The following SLURP2 variants were observed in gnomAD, a reference collection of about 807,000 sequenced individuals.
The protein encoded by SLURP2 is secreted Ly-6/uPAR domain-containing protein 2.
A neutral mutation model predicts 9.8 loss-of-function variants in SLURP2; 4 were observed. The observed-to-expected ratio is 0.41, with a 90% CI of 0.20 to 0.94. The LOEUF is 0.94. Ranked by LOEUF, SLURP2 falls within the 40% of genes least tolerant of loss-of-function variation. The pLI is 0.32. For missense variants in SLURP2, 118 were observed against 126.4 expected (o/e 0.93, Z 0.32); for synonymous variants, 58 against 56.2 (o/e 1.03, Z -0.15).
chr8:142,769,809 TCTC>T lies in SLURP2; in HGVS notation c.-6_-4del. 6.3e-7 allele frequency: 1 copy of T among 1,594,398 alleles called. No individual in the cohort carries two copies. Among genetic ancestry groups the T allele is most frequent in the South Asian group, 1.1e-5 (1 of 87,792 alleles). ...AGGAGCCCAGTGCCGAGCTGCATGT[TCTC>T]CTGGTGAGGTCGGGCTGTCGGCGCC... On this transcript the variant is annotated 5_prime_UTR_variant, in exon 1 of 3. Transcript: ENST00000317543.
Position 142,768,021 on chromosome 8 carries a change from C to T in SLURP2, c.52+1734G>A. Among the ~76,000 whole-genome samples the T allele has an allele frequency of 6.6e-6, 1 of 151,756 alleles. No individual in the cohort carries two copies. Among genetic ancestry groups the T allele is most frequent in the Non-Finnish European group, 1.5e-5 (1 of 67,986 alleles). ...GGTTTTTGATTTTCAGCAATGAGAT[C>T]CTGAGGGAAGCAGATAAAATGTTAG... On this transcript the variant is annotated intron_variant, in intron 1 of 2. Transcript: ENST00000317543. This position sits in a 1 kb window ranked among gnomAD's most constrained non-coding sequence, Gnocchi z 4.8.
At position 142,767,900 on chromosome 8, in the gene SLURP2, A is replaced by AAATGAATGAATG. The variant is rs60268524; in HGVS notation, c.52+1843_52+1854dup. Among the ~76,000 whole-genome samples the AAATGAATGAATG allele has an allele frequency of 6.3e-3, 891 of 140,740 alleles. 8 individuals carry two copies. The highest frequency in any genetic ancestry group is 0.018 in the Middle Eastern group (5 of 272). 92.3% of individuals were successfully genotyped at this position (140,740 alleles called of 152,430 possible). ...GGAGAGGCTTGCAGAATGAATGAAT[A>AAATGAATGAATG]AATGAATGAATGAATGAATGAATGA... On this transcript the variant is annotated intron_variant, in intron 1 of 2. Coordinates refer to ENST00000317543, the MANE Select transcript of SLURP2 (RefSeq NM_177458.3).
intron 2 of SLURP2, 78 bp downstream of exon 2, chr8:142,764,958 G>T (rs1814952136): frequency 7.6e-6 from 10 of 1,313,704 alleles, no homozygotes; most frequent in Middle Eastern, 1.8e-4. Flanking sequence ...GCCTGGATCT[G>T]GCTCTGTCAC....
Position 142,765,084 on chromosome 8 carries a change from C to T in SLURP2, c.109G>A (p.Gly37Arg). 2 of 1,612,922 alleles carry T rather than the reference C, an allele frequency of 1.2e-6. No homozygotes were observed. The highest frequency in any genetic ancestry group is 1.7e-6 in the Non-Finnish European group (2 of 1,179,874). The change falls in exon 2 of 3, where the codon GGA becomes AGA. Residue 37 changes from glycine to arginine, a missense_variant. Coordinates refer to ENST00000317543, the MANE Select transcript of SLURP2 (RefSeq NM_177458.3). Reference sequence around the variant, plus strand: ...GTGGAGTCCCTCAGGCATCTGGATCCATGGGAGCACCCTCCGAAGCCCGTG... The same window carrying T: ...GTGGAGTCCCTCAGGCATCTGGATCTATGGGAGCACCCTCCGAAGCCCGTG... ...QCTGFGGCSH[G>R]SRCLRDSTHC... is the part of the protein sequence containing the mutation.
At chr8:142,764,846 T>A in intron 2 of SLURP2, 105 bp from the exon 3 acceptor site, 1 of 1,423,540 alleles carries the variant, frequency 7.0e-7, no homozygotes, top group Non-Finnish European at 9.8e-7. Flanking sequence ...CCCAGGTACA[T>A]GAAGCATACG....
At chr8:142,765,265 G>C in intron 1 of SLURP2, 125 bp from the exon 2 acceptor site, 1 of 730,720 alleles carries the variant, frequency 1.4e-6, no homozygotes, top group East Asian at 2.8e-5. Context: ...CCAGTGTCCC[G>C]ACCCTGTGAT....
At chr8:142,766,016 GA>G (rs1814995593) in intron 1 of SLURP2, 1 of 151,916 alleles carries the variant, frequency 6.6e-6, no homozygotes, top group South Asian at 2.1e-4. Flanking sequence ...TGTGTAAACA[GA>G]AACTCAGTTG....
Position 142,769,823 on chromosome 8 carries a change from C to A in SLURP2, c.-17G>T. 1.9e-6 allele frequency: 3 copies of A among 1,582,044 alleles called. No homozygotes were observed. The highest frequency in any genetic ancestry group is 2.6e-6 in the Non-Finnish European group (3 of 1,166,578). ...GAGCTGCATGTTCTCCTGGTGAGGTCGGGCTGTCGGCGCCCTGGCCGGCTG... is the reference window on the plus strand; with the variant it reads ...GAGCTGCATGTTCTCCTGGTGAGGTAGGGCTGTCGGCGCCCTGGCCGGCTG... On this transcript the variant is annotated 5_prime_UTR_variant, in exon 1 of 3. Transcript: ENST00000317543.
At position 142,764,588 on chromosome 8, in the gene SLURP2, C is replaced by T. The variant is rs370796595; in HGVS notation, c.*17G>A. The T allele has an allele frequency of 4.7e-4, 749 of 1,599,554 alleles. 1 individual carries two copies. The highest frequency in any genetic ancestry group is 1.1e-3 in the South Asian group (96 of 89,810). ...CTGTGGGGGCTGAGCGTCCGGGGGC[C>T]TGGAGGAGGGCAGCCGTCAGTCATG... On this transcript the variant is annotated 3_prime_UTR_variant, in exon 3 of 3. Coordinates refer to ENST00000317543, the MANE Select transcript of SLURP2 (RefSeq NM_177458.3).
In SLURP2 at chr8:142,764,727, T is replaced by C. The variant is rs1458062342; in HGVS notation, c.172A>G (p.Thr58Ala). ...VTTATRVLSN[T>A]EDLPLVTKMC... The stretch of plus-strand genomic sequence containing the variant: ...TTGGTGACCAGAGGCAAATCCTCGG[T>C]GTTGCTGAGGACCCCTGAGTGGGCA... The change falls in exon 3 of 3, where the codon ACC (threonine) becomes GCC (alanine). Residue 58 changes from threonine to alanine, a missense_variant. Transcript: ENST00000317543. The C allele has an allele frequency of 3.7e-6, 6 of 1,613,284 alleles. No homozygotes were observed. Among genetic ancestry groups the C allele is most frequent in the Non-Finnish European group, 5.1e-6 (6 of 1,179,772 alleles).
chr8:142,768,696 C>T lies in SLURP2; in HGVS notation c.52+1059G>A, dbSNP rs1815079105. Among the ~76,000 whole-genome samples, 1 of 152,162 alleles carries T rather than the reference C, an allele frequency of 6.6e-6. No individual in the cohort carries two copies. Among genetic ancestry groups the T allele is most frequent in the Non-Finnish European group, 1.5e-5 (1 of 68,008 alleles). ...GGCCTTCTCCAGGTTAAGTCGAGTC[C>T]CCAGGCCCCTGTGTGTCTCGGACCT... On this transcript the variant is annotated intron_variant, in intron 1 of 2. Coordinates refer to ENST00000317543, the MANE Select transcript of SLURP2 (RefSeq NM_177458.3). The surrounding 1 kb of genome is among the most constrained non-coding windows in gnomAD (Gnocchi z 4.8).
rs587680772 is a variant in SLURP2, at chr8:142,768,282, G to A, written c.52+1473C>T. On this transcript the variant is annotated intron_variant, in intron 1 of 2. Transcript: ENST00000317543. The surrounding 1 kb of genome is among the most constrained non-coding windows in gnomAD (Gnocchi z 4.8). The stretch of plus-strand genomic sequence containing the variant: ...AGGGACAAACAGGATGGTGGGATGG[G>A]CTCTGGGTGTAGCTGCATGGCTGGG... 1.4e-4 allele frequency among the ~76,000 whole-genome samples: 22 copies of A among 151,890 alleles called. No homozygotes were observed. The highest frequency in any genetic ancestry group is 2.6e-4 in the Admixed American group (4 of 15,268).
At chr8:142,767,359 C>A (rs1815037978) in intron 1 of SLURP2, among the ~76,000 whole-genome samples, 1 of 152,238 alleles carries the variant, frequency 6.6e-6, no homozygotes, top group African/African-American at 2.4e-5. Flanking sequence ...TGAAGCTCCC[C>A]TTGGCTGTCA....
At position 142,768,289 on chromosome 8, in the gene SLURP2, G is replaced by T. The variant is rs1006996444; in HGVS notation, c.52+1466C>A. On this transcript the variant is annotated intron_variant, in intron 1 of 2. Coordinates refer to ENST00000317543, the MANE Select transcript of SLURP2 (RefSeq NM_177458.3). This position sits in a 1 kb window ranked among gnomAD's most constrained non-coding sequence, Gnocchi z 4.8. ...AACAGGATGGTGGGATGGGCTCTGG[G>T]TGTAGCTGCATGGCTGGGGGCAGGT... Among the ~76,000 whole-genome samples, 1 of 151,912 alleles carries T rather than the reference G, an allele frequency of 6.6e-6. No homozygotes were observed. Among genetic ancestry groups the T allele is most frequent in the Admixed American group, 6.6e-5 (1 of 15,260 alleles).
In SLURP2 at chr8:142,764,571, G is replaced by T. The variant is rs1226914946; in HGVS notation, c.*34C>A. ...GCGCCAGGCTGTGGGGGCTGTGGGG[G>T]CTGAGCGTCCGGGGGCCTGGAGGAG... is the stretch of plus-strand genomic sequence containing the variant. On this transcript the variant is annotated 3_prime_UTR_variant, in exon 3 of 3. Coordinates refer to ENST00000317543, the MANE Select transcript of SLURP2 (RefSeq NM_177458.3). 6 of 1,594,746 alleles carry T rather than the reference G, an allele frequency of 3.8e-6. No homozygotes were observed. In the African/African-American group the frequency reaches 6.8e-5, roughly 18 times the overall value.
chr8:142,767,214 C>T (rs771748486), intron 1 of SLURP2, among the ~76,000 whole-genome samples: 13 of 152,232 alleles, frequency 8.5e-5, no homozygotes, highest in Non-Finnish European at 1.9e-4. Context: ...TGGGAAGTTC[C>T]GGCCAGGGCA....
At chr8:142,766,185 G>C (rs1446715781) in intron 1 of SLURP2, 1 of 152,178 alleles carries the variant, frequency 6.6e-6, no homozygotes, top group Non-Finnish European at 1.5e-5. Context: ...CAAGGTCACA[G>C]ACAGAGAAAC....
chr8:142,765,233 A>C (rs1187019625), intron 1 of SLURP2, 93 bp from the exon 2 acceptor site: 6 of 956,640 alleles, frequency 6.3e-6, no homozygotes, highest in Non-Finnish European at 6.4e-6. Flanking sequence ...TCCACCCAGC[A>C]GCCCATGCTC....
intron 1 of SLURP2, among the ~76,000 whole-genome samples, chr8:142,767,300 T>C (rs1344336132): frequency 6.6e-6 from 1 of 152,102 alleles, no homozygotes; most frequent in Non-Finnish European, 1.5e-5. Context: ...GAAAGAAAGG[T>C]GGTGACAGCT....
Sources: allele counts gnomAD v4.1 joint callset (sites outside exome capture counted in the v4.1 genomes callset), GRCh38; gene constraint gnomAD v4.1.1; non-coding constraint Gnocchi (gnomAD v3.1); transcripts MANE v1.5; gene names NCBI Gene and HGNC (gene_info 2026-07-23, HGNC 2026-07-21).